Variants in XRRA1 observed in about 807,000 individuals in gnomAD.
XRRA1 encodes X-ray radiation resistance-associated protein 1.
XRRA1 carries 69 observed loss-of-function variants against 80.2 expected under a neutral mutation model. That is an observed-to-expected ratio of 0.86 (90% CI 0.71 to 1.05). XRRA1 has a LOEUF of 1.05. XRRA1 is among the 50% of genes least tolerant of loss of function. The pLI, the probability that XRRA1 is intolerant of heterozygous loss-of-function variation, is 0.00. For synonymous variants in XRRA1, 348 were observed against 389.9 expected, an observed-to-expected ratio of 0.89 and a Z score of 1.27; for missense variants, 967 against 976.4, an observed-to-expected ratio of 0.99 and a Z score of 0.13.
intron 12 of XRRA1, among the ~76,000 whole-genome samples, chr11:74,854,306 AG>A (rs1332710158): frequency 1.3e-5 from 2 of 152,190 alleles, no homozygotes; most frequent in African/African-American, 4.8e-5. Context: ...CTAGGGAGAC[AG>A]TAGGGAGTGA....
At chr11:74,914,142 C>T (rs1364865311) in intron 8 of XRRA1, among the ~76,000 whole-genome samples, 3 of 152,124 alleles carry the variant, frequency 2.0e-5, no homozygotes, top group African/African-American at 4.8e-5. Context: ...CCCGCCACCA[C>T]ATCTGACTAA....
chr11:74,904,609 AAC>A (rs1248433153), intron 10 of XRRA1, among the ~76,000 whole-genome samples: 2 of 152,144 alleles, frequency 1.3e-5, no homozygotes, highest in African/African-American at 2.4e-5. Flanking sequence ...GTAAATAGAA[AAC>A]ACACTAATGG....
chr11:74,910,414 C>T (rs2138376997), intron 8 of XRRA1, among the ~76,000 whole-genome samples: 1 of 152,150 alleles, frequency 6.6e-6, no homozygotes, highest in South Asian at 2.1e-4. Context: ...AATGAAAGAG[C>T]CAAAGTAGCA....
At position 74,949,030 on chromosome 11, in the gene XRRA1, C is replaced by G. The variant is rs1378909117; in HGVS notation, c.-175G>C. 2 of 366,500 alleles carry G rather than the reference C, an allele frequency of 5.5e-6. No individual in the cohort carries two copies. The highest frequency in any genetic ancestry group is 1.1e-4 in the East Asian group (2 of 17,634). The allele number at this position is 366,500 out of a possible 1,614,324, so 22.7% of individuals were successfully genotyped here. On this transcript the variant is annotated 5_prime_UTR_variant, in exon 1 of 19. Transcript: ENST00000684022. ...CCCCCCGGGGATCTCGGAGCCGCTC[C>G]ACTGCGGTGCCTGCCGCTATCTTCC... is the stretch of plus-strand genomic sequence containing the variant.
chr11:74,883,233 G>A (rs577415083), intron 10 of XRRA1, among the ~76,000 whole-genome samples: 61 of 151,760 alleles, frequency 4.0e-4, no homozygotes, highest in East Asian at 1.9e-3. Flanking sequence ...TTTTAAGCCC[G>A]TTGGAAAAGC....
rs777064437 is a variant in XRRA1 at position 74,940,807 on chromosome 11, AT to A, written c.71del (p.Asn24IlefsTer14). ...PYLNNCFPAR[N>X]LLRVPEEGQG... ...GACCTTCCTCCGGCACGCGAAGCAG[AT>A]TTCTGGCTGGGAAGCAGTTGTTCAG... is the stretch of plus-strand genomic sequence containing the variant. On this transcript the variant is annotated frameshift_variant, in exon 3 of 19. Transcript: ENST00000684022. LOFTEE classifies it high-confidence loss of function. The A allele has an allele frequency of 1.2e-6, 2 of 1,608,202 alleles. No individual in the cohort carries two copies. The highest frequency in any genetic ancestry group is 2.2e-5 in the South Asian group (2 of 89,408).
intron 10 of XRRA1, among the ~76,000 whole-genome samples, chr11:74,872,955 TTTACTCATGCCTTC>T (rs367645229): frequency 0.021 from 3,227 of 152,242 alleles, 113 homozygotes; most frequent in African/African-American, 0.074. Context: ...GGACCTATTA[TTTACTCATGCCTTC>T]TTACTCATGC....
chr11:74,910,451 G>A (rs1373222412), intron 8 of XRRA1, among the ~76,000 whole-genome samples: 3 of 152,132 alleles, frequency 2.0e-5, no homozygotes, highest in Non-Finnish European at 2.9e-5. Flanking sequence ...AAGCAATAGA[G>A]TAGTCTACGT....
intron 8 of XRRA1, chr11:74,910,608 G>C (rs2138388289): frequency 6.6e-6 from 1 of 152,418 alleles, no homozygotes; most frequent in East Asian, 1.9e-4. Flanking sequence ...GCAGAGTCAG[G>C]CCATGAAAAG....
At chr11:74,940,642 G>A (rs1227683522) in intron 3 of XRRA1, 143 bp downstream of exon 3, 2 of 664,016 alleles carry the variant, frequency 3.0e-6, no homozygotes, top group Non-Finnish European at 5.2e-6. Context: ...AAGTCCCATG[G>A]AGGCTACTAG....
chr11:74,871,400 A>C (rs992906285), intron 10 of XRRA1, among the ~76,000 whole-genome samples: 1 of 152,200 alleles, frequency 6.6e-6, no homozygotes, highest in Non-Finnish European at 1.5e-5. Context: ...CTTTCTAGCC[A>C]TCTTTAGCCT....
At chr11:74,881,443 G>A (rs2047558890) in intron 10 of XRRA1, among the ~76,000 whole-genome samples, 1 of 149,416 alleles carries the variant, frequency 6.7e-6, no homozygotes. Flanking sequence ...TCTTTTAATT[G>A]GAGCATTTAG....
Position 74,844,268 on chromosome 11 carries a change from G to T in XRRA1, c.1943C>A (p.Ala648Glu). The change falls in exon 17 of 19, where the codon GCA becomes GAA. Residue 648 changes from alanine to glutamate, a missense_variant. Physicochemically the swap from Ala to Glu is moderately radical, Grantham distance 107 (BLOSUM62 -1). Transcript: ENST00000684022. ...CTTCAGCATTTGTTGCAGGGCTTGT[G>T]CATTCTTCTGGATTCCTAGGGCAAG... ...FIEPKGIQKN[A>E]QALQQMLKHP... 1 of 1,612,920 alleles carries T rather than the reference G, an allele frequency of 6.2e-7. No homozygotes were observed. The highest frequency in any genetic ancestry group is 8.5e-7 in the Non-Finnish European group (1 of 1,179,740).
intron 10 of XRRA1, among the ~76,000 whole-genome samples, chr11:74,879,301 T>C (rs2046881469): frequency 6.6e-6 from 1 of 151,948 alleles, no homozygotes; most frequent in Non-Finnish European, 1.5e-5. Context: ...TTGTGATTTT[T>C]GTACATTGAC....
chr11:74,856,086 C>T (rs549040970), intron 12 of XRRA1, among the ~76,000 whole-genome samples: 23 of 152,284 alleles, frequency 1.5e-4, no homozygotes, highest in East Asian at 5.8e-4. Flanking sequence ...GAGCCAAGAT[C>T]GCACCACTGC....
chr11:74,927,427 A>G lies in XRRA1; in HGVS notation c.486T>C (p.Thr162=), dbSNP rs1942525012. The G allele has an allele frequency of 6.2e-7, 1 of 1,613,422 alleles. No individual in the cohort carries two copies. The highest frequency in any genetic ancestry group is 8.5e-7 in the Non-Finnish European group (1 of 1,179,488). ...TAAAGTCTCCATATTTCACGTAGAT[A>G]GTTTTGATGCCATTAAATGCGAGAT... ...ELDLAFNGIK[T]IYVKYGDFKL... Residue 162 remains threonine (T), a synonymous_variant, in exon 7 of 19, where the codon ACT becomes ACC. Coordinates refer to ENST00000684022, the MANE Select transcript of XRRA1 (RefSeq NM_001378157.1).
At chr11:74,927,570 C>T in intron 6 of XRRA1, 82 bp from the exon 7 acceptor site, 1 of 972,126 alleles carries the variant, frequency 1.0e-6, no homozygotes, top group Non-Finnish European at 1.6e-6. Flanking sequence ...TTTACTGTGT[C>T]CCTACTGGGT....
At chr11:74,895,447 T>C (rs568457351) in intron 10 of XRRA1, among the ~76,000 whole-genome samples, 4 of 152,348 alleles carry the variant, frequency 2.6e-5, no homozygotes, top group Admixed American at 6.5e-5. Flanking sequence ...CTTGCCACCA[T>C]TGGCTGAAGT....
intron 12 of XRRA1, among the ~76,000 whole-genome samples, chr11:74,852,584 T>C (rs1259209634): frequency 6.6e-6 from 1 of 152,038 alleles, no homozygotes; most frequent in Non-Finnish European, 1.5e-5. Context: ...TATTTGGGGA[T>C]GGACAGGGGG....
Sources: allele counts gnomAD v4.1 joint callset (sites outside exome capture counted in the v4.1 genomes callset), GRCh38; gene constraint gnomAD v4.1.1; transcripts MANE v1.5; gene names NCBI Gene and HGNC (gene_info 2026-07-23, HGNC 2026-07-21).